The following RPA3 variants were observed in gnomAD, a reference collection of about 807,000 sequenced individuals.
RPA3 encodes the protein replication protein A3, also known as replication protein A 14 kDa subunit.
A neutral mutation model predicts 13.7 loss-of-function variants in RPA3; 24 were observed. That is an observed-to-expected ratio of 1.75 (90% CI 1.27 to 2.46). The LOEUF (loss-of-function observed/expected upper bound fraction) is 2.46, where lower values mean the gene tolerates loss of function less well. RPA3 is among the 30% of genes most tolerant of loss of function. The probability of loss-of-function intolerance (pLI) is 0.00; values close to 1 mark genes in which losing one functional copy is unlikely to be tolerated. For synonymous variants in RPA3, 59 were observed against 51.2 expected, an observed-to-expected ratio of 1.15 and a Z score of -0.65; for missense variants, 183 against 151.0, an observed-to-expected ratio of 1.21 and a Z score of -1.11.
chr7:7,650,574 C>A (rs905472491), intron 4 of RPA3, among the ~76,000 whole-genome samples: 1 of 152,198 alleles, frequency 6.6e-6, no homozygotes, highest in Non-Finnish European at 1.5e-5. Context: ...GTACCTAATG[C>A]CACTAAACCG....
intron 2 of RPA3, among the ~76,000 whole-genome samples, chr7:7,707,339 T>G (rs551177518): frequency 6.6e-6 from 1 of 152,304 alleles, no homozygotes. Context: ...TCAAATTAAA[T>G]TTGTAACTAC....
At chr7:7,697,181 A>G (rs1429553209) in intron 2 of RPA3, among the ~76,000 whole-genome samples, 2 of 152,122 alleles carry the variant, frequency 1.3e-5, no homozygotes, top group African/African-American at 4.8e-5. Context: ...CCACTTCTTG[A>G]TGGAATGTGT....
intron 4 of RPA3, among the ~76,000 whole-genome samples, chr7:7,679,751 G>A (rs1394392734): frequency 2.1e-5 from 3 of 145,634 alleles, no homozygotes; most frequent in South Asian, 2.1e-4. Context: ...CATATTAAGA[G>A]GCAATAACTC....
chr7:7,715,652 G>A (rs915159538), intron 1 of RPA3, among the ~76,000 whole-genome samples: 3 of 152,042 alleles, frequency 2.0e-5, no homozygotes, highest in Non-Finnish European at 4.4e-5. Context: ...TGAAAATAAA[G>A]ATCCACAAAT....
chr7:7,637,099 A>G lies in RPA3; in HGVS notation c.284-17T>C. The G allele has an allele frequency of 6.5e-7, 1 of 1,529,098 alleles. No individual in the cohort carries two copies. Among genetic ancestry groups the G allele is most frequent in the Non-Finnish European group, 9.1e-7 (1 of 1,103,880 alleles). The allele number at this position is 1,529,098 out of a possible 1,614,324, so 94.7% of individuals were successfully genotyped here. On this transcript the variant is annotated splice_polypyrimidine_tract_variant and intron_variant, in intron 7 of 7. Coordinates refer to ENST00000223129, the MANE Select transcript of RPA3 (RefSeq NM_002947.5). ...GTCCAAGATCTGAAAGAAACATTTA[A>G]GCAAACATTTAATCTACAATGGAAA...
chr7:7,663,275 T>C (rs1583707200), intron 4 of RPA3, among the ~76,000 whole-genome samples: 1 of 124,034 alleles, frequency 8.1e-6, no homozygotes, highest in South Asian at 2.7e-4. Flanking sequence ...AAATCTAAGA[T>C]AGTTTTTTCT....
rs893384026 is a variant in RPA3 at position 7,664,175 on chromosome 7, T to A, written c.-758+21655A>T. ...AATCAGATTGAAATGGAATTTACTA[T>A]TATTTTCTTCTCTTAAGATAAAGTC... On this transcript the variant is annotated intron_variant, in intron 4 of 7. Transcript: ENST00000223129. Among the ~76,000 whole-genome samples, 3 of 152,198 alleles carry A rather than the reference T, an allele frequency of 2.0e-5. No individual in the cohort carries two copies. The East Asian group carries it at 5.8e-4, about 29-fold the overall frequency.
At chr7:7,680,686 C>T (rs1378536573) in intron 4 of RPA3, among the ~76,000 whole-genome samples, 2 of 143,516 alleles carry the variant, frequency 1.4e-5, no homozygotes, top group Non-Finnish European at 3.1e-5. Context: ...GAATATCTTT[C>T]CATTTTTTTT....
At chr7:7,666,226 G>C (rs79850304) in intron 4 of RPA3, among the ~76,000 whole-genome samples, 3,611 of 151,850 alleles carry the variant, frequency 0.024, 154 homozygotes, top group African/African-American at 0.083. Flanking sequence ...TTGTAGATAG[G>C]GTCTCATAGC....
intron 4 of RPA3, among the ~76,000 whole-genome samples, chr7:7,656,065 C>T (rs937519745): frequency 2.6e-5 from 4 of 152,090 alleles, no homozygotes; most frequent in African/African-American, 9.7e-5. Context: ...AAACTCTCAA[C>T]CTCAGGTGAT....
chr7:7,645,625 C>A (rs1004159763), intron 4 of RPA3, among the ~76,000 whole-genome samples: 5 of 152,066 alleles, frequency 3.3e-5, no homozygotes, highest in African/African-American at 1.2e-4. Context: ...CCTTCTATTC[C>A]TAGTTTGATA....
chr7:7,668,793 C>T (rs1476867757), intron 4 of RPA3, among the ~76,000 whole-genome samples: 1 of 152,128 alleles, frequency 6.6e-6, no homozygotes, highest in Admixed American at 6.6e-5. Flanking sequence ...TAATTATTTA[C>T]CCAATTATTC....
At chr7:7,705,608 T>A (rs1315002991) in intron 2 of RPA3, among the ~76,000 whole-genome samples, 1 of 152,226 alleles carries the variant, frequency 6.6e-6, no homozygotes, top group African/African-American at 2.4e-5. Context: ...ATAGGGATAA[T>A]GAATTAGAGT....
chr7:7,686,399 G>A (rs1466898428), intron 3 of RPA3, among the ~76,000 whole-genome samples: 1 of 152,116 alleles, frequency 6.6e-6, no homozygotes, highest in Non-Finnish European at 1.5e-5. Context: ...AAGCAGTAAA[G>A]TTATGGGTTT....
At chr7:7,698,271 A>C (rs1780364436) in intron 2 of RPA3, among the ~76,000 whole-genome samples, 1 of 152,216 alleles carries the variant, frequency 6.6e-6, no homozygotes, top group Admixed American at 6.5e-5. Context: ...GAAGATTGCA[A>C]AATATAACAG....
intron 4 of RPA3, among the ~76,000 whole-genome samples, chr7:7,680,879 G>T (rs2115121107): frequency 6.6e-6 from 1 of 151,616 alleles, no homozygotes; most frequent in Non-Finnish European, 1.5e-5. Context: ...ATTGATTTTT[G>T]TATGTTGATT....
intron 4 of RPA3, among the ~76,000 whole-genome samples, chr7:7,652,272 T>C (rs538481689): frequency 1.3e-5 from 2 of 152,342 alleles, no homozygotes; most frequent in South Asian, 4.1e-4. Flanking sequence ...AGTATACTCT[T>C]GGTCGATTGT....
At chr7:7,659,495 G>A (rs1030158720) in intron 4 of RPA3, among the ~76,000 whole-genome samples, 8 of 152,110 alleles carry the variant, frequency 5.3e-5, no homozygotes, top group Admixed American at 5.2e-4. Context: ...AGGGATTCTG[G>A]TACCTTATAT....
rs369790432 is a variant in RPA3 at position 7,707,313 on chromosome 7, A to G, written c.-1028+7862T>C. On this transcript the variant is annotated intron_variant, in intron 2 of 7. Coordinates refer to ENST00000223129, the MANE Select transcript of RPA3 (RefSeq NM_002947.5). ...TTACTGTAACTCAGAAGACTTCAGA[A>G]AATATCCTCTAGGTATCAAATTAAA... is the stretch of plus-strand genomic sequence containing the variant. Among the ~76,000 whole-genome samples, 11 of 152,304 alleles carry G rather than the reference A, an allele frequency of 7.2e-5. No individual in the cohort carries two copies. In the East Asian group the frequency reaches 1.9e-3, roughly 27 times the overall value.
Sources: gnomAD v4.1 joint callset for allele counts (sites outside exome capture counted in the v4.1 genomes callset) on GRCh38, gnomAD v4.1.1 for gene constraint, MANE v1.5 for transcripts, NCBI Gene and HGNC (gene_info 2026-07-23, HGNC 2026-07-21) for gene names.